The following RGS7 variants were observed in gnomAD, a reference collection of about 807,000 sequenced individuals.
RGS7 encodes the protein regulator of G-protein signaling 7.
Under a neutral mutation model 81.1 loss-of-function variants are expected in RGS7, and 27 were observed. That is an observed-to-expected ratio of 0.33 (90% CI 0.25 to 0.46). The LOEUF is 0.46. RGS7 is among the 20% of genes least tolerant of loss of function. RGS7 has a pLI of 1.00. For missense variants in RGS7, 396 were observed against 607.4 expected, an observed-to-expected ratio of 0.65 and a Z score of 3.66; for synonymous variants, 208 against 207.7, an observed-to-expected ratio of 1.00 and a Z score of -0.01.
At chr1:241,057,163 C>T (rs1308300259) in intron 3 of RGS7, among the ~76,000 whole-genome samples, 2 of 151,516 alleles carry the variant, frequency 1.3e-5, no homozygotes, top group African/African-American at 4.9e-5. Flanking sequence ...TTATGTATGT[C>T]GTATGAGTAT....
At chr1:241,256,948 C>CAG (rs2077079113) in intron 2 of RGS7, among the ~76,000 whole-genome samples, 1 of 151,698 alleles carries the variant, frequency 6.6e-6, no homozygotes, top group African/African-American at 2.4e-5. Context: ...CACACACACA[C>CAG]ACACACACAC....
intron 2 of RGS7, among the ~76,000 whole-genome samples, chr1:241,285,400 C>T (rs1171077064): frequency 6.6e-6 from 1 of 152,126 alleles, no homozygotes; most frequent in South Asian, 2.1e-4. Context: ...TTCATGGCCT[C>T]CCTACATTTG....
intron 3 of RGS7, among the ~76,000 whole-genome samples, chr1:241,057,109 A>AT (rs1195476762): frequency 2.0e-5 from 3 of 151,638 alleles, no homozygotes; most frequent in Non-Finnish European, 2.9e-5. Flanking sequence ...ACACAAAGTA[A>AT]TTTTTTTTGG....
At chr1:240,826,210 G>T (rs908485348) in intron 10 of RGS7, among the ~76,000 whole-genome samples, 1 of 152,124 alleles carries the variant, frequency 6.6e-6, no homozygotes, top group African/African-American at 2.4e-5. Context: ...TTGGTTTTGT[G>T]GTGCTTTGCT....
intron 6 of RGS7, among the ~76,000 whole-genome samples, chr1:240,892,129 G>T (rs1412810528): frequency 6.6e-6 from 1 of 152,180 alleles, no homozygotes; most frequent in East Asian, 1.9e-4. Context: ...ATCAGAGTAT[G>T]TATAATGCAT....
chr1:241,351,261 A>C (rs984250008), intron 2 of RGS7, among the ~76,000 whole-genome samples: 4 of 151,838 alleles, frequency 2.6e-5, no homozygotes, highest in African/African-American at 9.7e-5. Flanking sequence ...TCTAGAAAAA[A>C]CAAAAAAATT....
At chr1:240,983,268 C>T in intron 3 of RGS7, 139 bp from the exon 4 acceptor site, 1 of 520,682 alleles carries the variant, frequency 1.9e-6, no homozygotes, top group Non-Finnish European at 3.4e-6. Flanking sequence ...AGGATCTACC[C>T]CAGATGGAAT....
chr1:241,029,129 AAG>A (rs2059940556), intron 3 of RGS7, among the ~76,000 whole-genome samples: 1 of 141,972 alleles, frequency 7.0e-6, no homozygotes, highest in South Asian at 2.2e-4. Flanking sequence ...TGATGTAAAA[AAG>A]AAAAACAAAA....
intron 3 of RGS7, among the ~76,000 whole-genome samples, chr1:241,072,529 A>G (rs138855955): frequency 7.5e-4 from 114 of 152,234 alleles, no homozygotes; most frequent in Middle Eastern, 3.4e-3. Flanking sequence ...ACAGCTGCGG[A>G]CCGTAAAACC....
chr1:241,324,351 A>T lies in RGS7; in HGVS notation c.78+31348T>A, dbSNP rs564534301. 9.6e-4 allele frequency among the ~76,000 whole-genome samples: 146 copies of T among 152,226 alleles called. 1 individual carries two copies. Among genetic ancestry groups the T allele is most frequent in the African/African-American group, 3.4e-3 (140 of 41,548 alleles). Reference sequence around the variant, plus strand: ...ATAAAAGCAAAAAAAACAAAAAAAAAAGCAACTTTTTACTTAAAACCTAGA... The same window carrying T: ...ATAAAAGCAAAAAAAACAAAAAAAATAGCAACTTTTTACTTAAAACCTAGA... On this transcript the variant is annotated intron_variant, in intron 2 of 18. Coordinates refer to ENST00000440928, the MANE Select transcript of RGS7 (RefSeq NM_001364886.1).
intron 3 of RGS7, among the ~76,000 whole-genome samples, chr1:241,041,056 T>C (rs974244919): frequency 6.6e-6 from 1 of 152,174 alleles, no homozygotes; most frequent in African/African-American, 2.4e-5. Context: ...GAATTCAAAG[T>C]TTAAATACTG....
chr1:241,141,948 C>T (rs1023133625), intron 2 of RGS7, among the ~76,000 whole-genome samples: 26 of 152,242 alleles, frequency 1.7e-4, no homozygotes, highest in African/African-American at 4.8e-4. Flanking sequence ...TGATGGTACA[C>T]GCATTGAGTA....
At position 241,263,256 on chromosome 1, in the gene RGS7, GA is replaced by G. The variant is rs564047465; in HGVS notation, c.78+92442del. ...CTCGCCACTGCACCCCAGCCTGGGT[GA>G]CAGAGCCAGACTCCATCTCAAAAGA... On this transcript the variant is annotated intron_variant, in intron 2 of 18. Coordinates refer to ENST00000440928, the MANE Select transcript of RGS7 (RefSeq NM_001364886.1). Among the ~76,000 whole-genome samples, 669 of 152,152 alleles carry G rather than the reference GA, an allele frequency of 4.4e-3. 5 individuals are homozygous for G. Among genetic ancestry groups the G allele is most frequent in the African/African-American group, 0.015 (619 of 41,514 alleles).
chr1:241,301,517 T>C (rs745960042), intron 2 of RGS7, among the ~76,000 whole-genome samples: 15 of 152,194 alleles, frequency 9.9e-5, no homozygotes, highest in Admixed American at 7.9e-4. Context: ...CAAGATGAAC[T>C]GGTAGAGAGA....
chr1:240,971,578 CTTTG>C (rs898982656), intron 4 of RGS7, among the ~76,000 whole-genome samples: 3 of 152,182 alleles, frequency 2.0e-5, no homozygotes, highest in Non-Finnish European at 2.9e-5. Context: ...GATATGAGGA[CTTTG>C]TTTGTTCCTT....
chr1:241,295,367 C>T (rs1192772417), intron 2 of RGS7, among the ~76,000 whole-genome samples: 4 of 150,914 alleles, frequency 2.7e-5, no homozygotes, highest in Non-Finnish European at 4.4e-5. Context: ...GCAGGAGAAT[C>T]ATTTGAACCT....
At position 240,894,008 on chromosome 1, in the gene RGS7, G is replaced by A. The variant is rs181451513; in HGVS notation, c.386-23889C>T. On this transcript the variant is annotated intron_variant, in intron 6 of 18. Coordinates refer to ENST00000440928, the MANE Select transcript of RGS7 (RefSeq NM_001364886.1). ...AAGGCTATTTTTAGTAGATCTCTTA[G>A]TGATGGTCTGTGAATGGAAAACTCT... 7.0e-4 allele frequency among the ~76,000 whole-genome samples: 107 copies of A among 152,124 alleles called. 1 individual carries two copies. Among genetic ancestry groups the A allele is most frequent in the African/African-American group, 2.4e-3 (101 of 41,524 alleles).
chr1:240,920,033 T>C, intron 6 of RGS7: 1 of 1,165,420 alleles, frequency 8.6e-7, no homozygotes, highest in Non-Finnish European at 1.3e-6. Context: ...TTGAACAGTT[T>C]GGAAAAATTG....
chr1:240,835,723 C>T (rs1572337435), intron 9 of RGS7, among the ~76,000 whole-genome samples: 2 of 152,082 alleles, frequency 1.3e-5, no homozygotes, highest in African/African-American at 4.8e-5. Flanking sequence ...AACTGTGGTA[C>T]ACCCAGACAA....
Sources: allele counts gnomAD v4.1 joint callset (sites outside exome capture counted in the v4.1 genomes callset), GRCh38; gene constraint gnomAD v4.1.1; transcripts MANE v1.5; gene names NCBI Gene and HGNC (gene_info 2026-07-23, HGNC 2026-07-21).